ADAMTS12: variants seen among roughly 807,000 people sequenced by gnomAD.
ADAMTS12 encodes the protein ADAM metallopeptidase with thrombospondin type 1 motif 12.
A neutral mutation model predicts 167.8 loss-of-function variants in ADAMTS12; 118 were observed. That is an observed-to-expected ratio of 0.70 (90% CI 0.61 to 0.82). The LOEUF (loss-of-function observed/expected upper bound fraction) is 0.82. Among genes scored for constraint, ADAMTS12 ranks in the 40% least tolerant of loss-of-function variants. The pLI is 0.00. For synonymous variants in ADAMTS12, 704 were observed against 716.9 expected, an observed-to-expected ratio of 0.98 and a Z score of 0.29; for missense variants, 1,916 against 1,998.8, an observed-to-expected ratio of 0.96 and a Z score of 0.79.
intron 2 of ADAMTS12, among the ~76,000 whole-genome samples, chr5:33,758,293 C>A (rs1745234784): frequency 6.6e-6 from 1 of 152,004 alleles, no homozygotes; most frequent in African/African-American, 2.4e-5. Context: ...TGGTGAAACT[C>A]AAATAGGCAG....
chr5:33,763,180 T>C (rs867616130), intron 2 of ADAMTS12, among the ~76,000 whole-genome samples: 2 of 152,164 alleles, frequency 1.3e-5, no homozygotes, highest in African/African-American at 4.8e-5. Flanking sequence ...AACCTGCCAA[T>C]ATCTTACTTT....
At chr5:33,854,986 T>TTAA (rs1180360195) in intron 2 of ADAMTS12, among the ~76,000 whole-genome samples, 1 of 152,168 alleles carries the variant, frequency 6.6e-6, no homozygotes, top group African/African-American at 2.4e-5. Flanking sequence ...AATCAGTGAT[T>TTAA]TCTGCCAGTG....
intron 13 of ADAMTS12, among the ~76,000 whole-genome samples, chr5:33,629,342 T>A (rs1278895783): frequency 1.3e-5 from 2 of 151,204 alleles, no homozygotes; most frequent in Non-Finnish European, 2.9e-5. Context: ...CAGGGAATAA[T>A]TTTGTCCAGT....
chr5:33,542,008 T>C (rs1236900881), intron 22 of ADAMTS12, among the ~76,000 whole-genome samples: 2 of 152,110 alleles, frequency 1.3e-5, no homozygotes, highest in African/African-American at 4.8e-5. Flanking sequence ...TCAATGTAAA[T>C]GGGCTAAATG....
rs1434782596 is a variant in ADAMTS12 at position 33,883,322 on chromosome 5, T to A, written c.128-1842A>T. Among the ~76,000 whole-genome samples, 14 of 113,724 alleles carry A rather than the reference T, an allele frequency of 1.2e-4. No homozygotes were observed. The Admixed American group carries it at 1.3e-3, about 11-fold the overall frequency. 74.6% of individuals were successfully genotyped at this position (113,724 alleles called of 152,430 possible). A position where few individuals can be genotyped will look rare whatever the true frequency, so the allele number is the denominator to read the frequency against. Reference sequence around the variant, plus strand: ...TTTTTTGTTTGTTTGTTTGGTTTTTTTTTTGTTTTTTTTTTTTTTGTTTTT... The same window carrying A: ...TTTTTTGTTTGTTTGTTTGGTTTTTATTTTGTTTTTTTTTTTTTTGTTTTT... On this transcript the variant is annotated intron_variant, in intron 1 of 23. Coordinates refer to ENST00000504830, the MANE Select transcript of ADAMTS12 (RefSeq NM_030955.4).
In ADAMTS12 at chr5:33,600,215, G is replaced by A. The variant is rs143887013; in HGVS notation, c.2528-4155C>T. Among the ~76,000 whole-genome samples, 473 of 152,248 alleles carry A rather than the reference G, an allele frequency of 3.1e-3. 1 individual carries two copies. Among genetic ancestry groups the A allele is most frequent in the African/African-American group, 0.011 (440 of 41,546 alleles). On this transcript the variant is annotated intron_variant, in intron 16 of 23. Transcript: ENST00000504830. ...GATGATTCTGAATGCCTTTCCCCAG[G>A]TAGCAACCAGAATGTTGCCATGCAG...
chr5:33,568,405 C>T (rs549584043), intron 19 of ADAMTS12, among the ~76,000 whole-genome samples: 1 of 152,268 alleles, frequency 6.6e-6, no homozygotes, highest in East Asian at 1.9e-4. Context: ...CTAGTCAATT[C>T]CATGACCAAT....
chr5:33,761,261 TC>T (rs1314174776), intron 2 of ADAMTS12, among the ~76,000 whole-genome samples: 3 of 152,206 alleles, frequency 2.0e-5, no homozygotes, highest in Non-Finnish European at 2.9e-5. Flanking sequence ...CTTCTCCCAC[TC>T]TGATAGGCAA....
Position 33,607,358 on chromosome 5 carries a change from C to T in ADAMTS12, c.2527+6880G>A, listed in dbSNP as rs115849699. ...AAACAGAACTAATAATAGAGTTCAG[C>T]AAGGTTGCCGGATACAAAATTAAAA... On this transcript the variant is annotated intron_variant, in intron 16 of 23. Transcript: ENST00000504830. 9.0e-3 allele frequency among the ~76,000 whole-genome samples: 1,365 copies of T among 152,234 alleles called. 9 individuals carry two copies. The highest frequency in any genetic ancestry group is 0.032 in the African/African-American group (1,318 of 41,532).
chr5:33,588,662 G>C lies in ADAMTS12; in HGVS notation c.2802C>G (p.Thr934=), dbSNP rs753019193. ...GGATGTCTCTGTTGCAGGAAAGGAG[G>C]GTCTTGGGCTTCAGCAGGTGCTGGC... ...TDCQHLLKPK[T]LLSCNRDILC... is the part of the protein sequence containing the mutation. Residue 934 remains threonine, a synonymous_variant, in exon 18 of 24, where the codon ACC becomes ACG. Transcript: ENST00000504830. 2 of 1,613,990 alleles carry C rather than the reference G, an allele frequency of 1.2e-6. No individual in the cohort carries two copies. The highest frequency in any genetic ancestry group is 2.7e-5 in the African/African-American group (2 of 74,914).
intron 2 of ADAMTS12, among the ~76,000 whole-genome samples, chr5:33,861,554 C>T (rs765762978): frequency 6.6e-5 from 10 of 152,158 alleles, no homozygotes; most frequent in Non-Finnish European, 1.5e-4. Flanking sequence ...TACAAAGAGA[C>T]TTAGACTCCC....
At chr5:33,641,295 AG>A (rs1211826667) in intron 11 of ADAMTS12, among the ~76,000 whole-genome samples, 1 of 152,182 alleles carries the variant, frequency 6.6e-6, no homozygotes, top group Non-Finnish European at 1.5e-5. Flanking sequence ...GCGGAACTTT[AG>A]GGTTTATAAA....
chr5:33,839,771 G>T (rs1297963671), intron 2 of ADAMTS12, among the ~76,000 whole-genome samples: 1 of 152,114 alleles, frequency 6.6e-6, no homozygotes, highest in Non-Finnish European at 1.5e-5. Context: ...TCACTGAAAC[G>T]CAAGCAATAC....
intron 16 of ADAMTS12, among the ~76,000 whole-genome samples, chr5:33,608,495 C>G (rs571975833): frequency 6.6e-6 from 1 of 152,248 alleles, no homozygotes; most frequent in South Asian, 2.1e-4. Flanking sequence ...TCACTTATCA[C>G]GCTTAGAGTT....
At chr5:33,796,509 T>C (rs1157936075) in intron 2 of ADAMTS12, among the ~76,000 whole-genome samples, 1 of 152,224 alleles carries the variant, frequency 6.6e-6, no homozygotes, top group African/African-American at 2.4e-5. Context: ...TAAAAAGGTG[T>C]TGCTCACTGA....
chr5:33,573,951 C>T (rs1266350740), intron 19 of ADAMTS12, among the ~76,000 whole-genome samples: 2 of 152,196 alleles, frequency 1.3e-5, no homozygotes, highest in Non-Finnish European at 2.9e-5. Flanking sequence ...TGAGCAGATA[C>T]TTCTCAAAAG....
intron 2 of ADAMTS12, among the ~76,000 whole-genome samples, chr5:33,770,226 G>C (rs146053907): frequency 2.4e-4 from 37 of 152,118 alleles, no homozygotes; most frequent in Non-Finnish European, 2.2e-4. Flanking sequence ...CTGGATCCTG[G>C]TTGCTTCCAA....
At chr5:33,724,058 C>T (rs1743893284) in intron 3 of ADAMTS12, among the ~76,000 whole-genome samples, 1 of 152,204 alleles carries the variant, frequency 6.6e-6, no homozygotes, top group Non-Finnish European at 1.5e-5. Flanking sequence ...CAGAGTGAGC[C>T]TGTACCAAAC....
chr5:33,557,572 G>C (rs1287143317), intron 20 of ADAMTS12, among the ~76,000 whole-genome samples: 1 of 152,188 alleles, frequency 6.6e-6, no homozygotes, highest in Non-Finnish European at 1.5e-5. Context: ...TGAGGCTGGA[G>C]TGAGCTGTGA....
Sources: gnomAD v4.1 joint callset for allele counts (sites outside exome capture counted in the v4.1 genomes callset) on GRCh38, gnomAD v4.1.1 for gene constraint, MANE v1.5 for transcripts, NCBI Gene and HGNC (gene_info 2026-07-23, HGNC 2026-07-21) for gene names.